HDGFL3: variants seen among roughly 807,000 people sequenced by gnomAD.
HDGFL3 encodes the protein HDGF like 3, also known as hepatoma-derived growth factor-related protein 3.
Under a neutral mutation model 27.6 loss-of-function variants are expected in HDGFL3, and 6 were observed. The observed-to-expected ratio is 0.22, with a 90% CI of 0.12 to 0.43. The LOEUF (loss-of-function observed/expected upper bound fraction) is 0.43, where lower values mean the gene tolerates loss of function less well. Among genes scored for constraint, HDGFL3 ranks in the 20% least tolerant of loss-of-function variants. HDGFL3 has a pLI of 1.00. For synonymous variants in HDGFL3, 88 were observed against 88.9 expected (o/e 0.99, Z 0.05); for missense variants, 207 against 250.1 (o/e 0.83, Z 1.16).
At chr15:83,180,353 C>A (rs1273526847) in intron 1 of HDGFL3, among the ~76,000 whole-genome samples, 8 of 151,818 alleles carry the variant, frequency 5.3e-5, no homozygotes, top group Non-Finnish European at 1.0e-4. Flanking sequence ...TCTGAGCATG[C>A]CAATGAGAAG....
chr15:83,190,737 G>T (rs942324620), intron 1 of HDGFL3, among the ~76,000 whole-genome samples: 3 of 151,994 alleles, frequency 2.0e-5, no homozygotes, highest in African/African-American at 7.3e-5. Flanking sequence ...TTTCATTATA[G>T]AGTTTTTCAG....
chr15:83,123,001 A>C, downstream of HDGFL3: 1 of 1,109,990 alleles, frequency 9.0e-7, no homozygotes, highest in Non-Finnish European at 1.3e-6. Context: ...AAACAGTGCG[A>C]CTGTTTTGAT....
chr15:83,152,683 G>GAAAAAAAAAAAAAAAAAAAAAAA (rs534112117), intron 4 of HDGFL3, among the ~76,000 whole-genome samples: 1 of 78,726 alleles, frequency 1.3e-5, no homozygotes. Context: ...ACTCTGTCTC[G>GAAAAAAAAAAAAAAAAAAAAAAA]AAAAAAAAAA....
chr15:83,160,889 A>G (rs561119569), intron 2 of HDGFL3, among the ~76,000 whole-genome samples: 46 of 152,308 alleles, frequency 3.0e-4, no homozygotes, highest in South Asian at 1.5e-3. Flanking sequence ...AGAAGCACCA[A>G]ACTTTTAAGA....
intron 3 of HDGFL3, chr15:83,122,733 T>C (rs758121168): frequency 4.0e-5 from 65 of 1,609,404 alleles, no homozygotes; most frequent in Non-Finnish European, 1.9e-5. Context: ...TGGTAACTTC[T>C]TTCTCTTTCT....
In HDGFL3 at chr15:83,207,823, C is replaced by A; in HGVS notation, c.-409G>T. On this transcript the variant is annotated 5_prime_UTR_variant, in exon 1 of 6. Coordinates refer to ENST00000299633, the MANE Select transcript of HDGFL3 (RefSeq NM_016073.4). This position sits in a 1 kb window ranked among gnomAD's most constrained non-coding sequence, Gnocchi z 4.8. ...CTCGCGTCTGCTCCGAATTCCTTCT[C>A]GGGCAGCGACCGCAAACACGATCTT... is the stretch of plus-strand genomic sequence containing the variant. 1 of 150,780 alleles carries A rather than the reference C, an allele frequency of 6.6e-6. No homozygotes were observed. The highest frequency in any genetic ancestry group is 2.0e-4 in the South Asian group (1 of 4,974). 9.3% of individuals were successfully genotyped at this position (150,780 alleles called of 1,614,324 possible). A position where few individuals can be genotyped will look rare whatever the true frequency, so the allele number is the denominator to read the frequency against.
intron 1 of HDGFL3, among the ~76,000 whole-genome samples, chr15:83,195,117 A>G (rs746591326): frequency 6.6e-5 from 10 of 152,200 alleles, no homozygotes; most frequent in Admixed American, 2.0e-4. Flanking sequence ...TAAATTGCCA[A>G]TTAAAAATGT....
rs966136387 is a variant in HDGFL3 at position 83,190,570 on chromosome 15, C to A, written c.84+16761G>T. Reference sequence around the variant, plus strand: ...GAGCATCTTTTCATATATTTATAGGCCTTATGTATTTTTTCTATGAAATGG... The same window carrying A: ...GAGCATCTTTTCATATATTTATAGGACTTATGTATTTTTTCTATGAAATGG... On this transcript the variant is annotated intron_variant, in intron 1 of 5. Transcript: ENST00000299633. 2.0e-5 allele frequency among the ~76,000 whole-genome samples: 3 copies of A among 152,032 alleles called. No homozygotes were observed. In the South Asian group the frequency reaches 6.2e-4, roughly 32 times the overall value.
chr15:83,195,568 C>T lies in HDGFL3; in HGVS notation c.84+11763G>A, dbSNP rs549396987. ...TTAATTTTTATAATGCTAAGTCTAT[C>T]ACAGTTACTAACCCAGAAGAGATAC... is the stretch of plus-strand genomic sequence containing the variant. On this transcript the variant is annotated intron_variant, in intron 1 of 5. Coordinates refer to ENST00000299633, the MANE Select transcript of HDGFL3 (RefSeq NM_016073.4). Among the ~76,000 whole-genome samples the T allele has an allele frequency of 1.4e-4, 22 of 152,078 alleles. 1 individual carries two copies. The South Asian group carries it at 4.6e-3, about 32-fold the overall frequency.
At chr15:83,151,738 T>C (rs2036966210) in intron 4 of HDGFL3, among the ~76,000 whole-genome samples, 1 of 152,140 alleles carries the variant, frequency 6.6e-6, no homozygotes, top group South Asian at 2.1e-4. Flanking sequence ...GGTCATCTTG[T>C]CCTCCCCATC....
intron 1 of HDGFL3, among the ~76,000 whole-genome samples, chr15:83,182,576 T>C (rs769697066): frequency 2.6e-5 from 4 of 152,170 alleles, no homozygotes; most frequent in Admixed American, 6.5e-5. Flanking sequence ...ATTCCACTTA[T>C]ATTAAGTTCT....
rs2036347939 is a variant in HDGFL3 at position 83,132,871 on chromosome 15, C to T, written c.*6399G>A. On this transcript the variant is annotated 3_prime_UTR_variant, in exon 6 of 6. Coordinates refer to ENST00000299633, the MANE Select transcript of HDGFL3 (RefSeq NM_016073.4). Reference sequence around the variant, plus strand: ...TTAGTATTAAATTATACTGATTTAACATCTTTTATGTACTTATCCTTTCAT... The same window carrying T: ...TTAGTATTAAATTATACTGATTTAATATCTTTTATGTACTTATCCTTTCAT... 6.6e-6 allele frequency: 1 copy of T among 152,186 alleles called. No homozygotes were observed. Among genetic ancestry groups the T allele is most frequent in the Non-Finnish European group, 1.5e-5 (1 of 68,038 alleles). The allele number at this position is 152,186 out of a possible 1,614,324, so 9.4% of individuals were successfully genotyped here.
rs2151383068 is a variant in HDGFL3 at position 83,131,925 on chromosome 15, C to T, written c.*7345G>A. 6.6e-6 allele frequency: 1 copy of T among 152,198 alleles called. No homozygotes were observed. The highest frequency in any genetic ancestry group is 2.4e-5 in the African/African-American group (1 of 41,544). 9.4% of individuals were successfully genotyped at this position (152,198 alleles called of 1,614,324 possible). ...TATTAGCATTTCCTATCAATTGAAG[C>T]ATTTTCTCTGCTAAAATATCAATGA... On this transcript the variant is annotated 3_prime_UTR_variant, in exon 6 of 6. Coordinates refer to ENST00000299633, the MANE Select transcript of HDGFL3 (RefSeq NM_016073.4).
intron 1 of HDGFL3, chr15:83,184,526 TAATATA>T (rs1256890618): frequency 6.6e-6 from 1 of 152,198 alleles, no homozygotes; most frequent in African/African-American, 2.4e-5. Context: ...TCACTGTTAA[TAATATA>T]ATTACTGTTA....
At chr15:83,145,895 TCC>T (rs1305101302) in intron 5 of HDGFL3, among the ~76,000 whole-genome samples, 4 of 127,804 alleles carry the variant, frequency 3.1e-5, no homozygotes, top group Non-Finnish European at 4.8e-5. Flanking sequence ...CCTTTCTTCT[TCC>T]TTTTTTTTTT....
chr15:83,192,933 C>G (rs1042125790), intron 1 of HDGFL3, among the ~76,000 whole-genome samples: 1 of 152,158 alleles, frequency 6.6e-6, no homozygotes, highest in African/African-American at 2.4e-5. Flanking sequence ...TGAGGTTTGT[C>G]TTTAGTCTTA....
chr15:83,140,516 C>T (rs2036748219), intron 5 of HDGFL3, among the ~76,000 whole-genome samples: 2 of 140,788 alleles, frequency 1.4e-5, no homozygotes, highest in Non-Finnish European at 3.0e-5. Context: ...GAGTCTCGCT[C>T]TGTCACCTAG....
intron 1 of HDGFL3, chr15:83,189,630 A>G (rs2037487386): frequency 1.3e-5 from 2 of 152,058 alleles, no homozygotes; most frequent in African/African-American, 4.8e-5. Context: ...CTTGCTTACT[A>G]ATTCATATCT....
chr15:83,198,545 G>C (rs1021989550), intron 1 of HDGFL3, among the ~76,000 whole-genome samples: 2 of 152,146 alleles, frequency 1.3e-5, no homozygotes, highest in African/African-American at 4.8e-5. Context: ...TGCTGTAACA[G>C]AATAAATGAG....
Sources: gnomAD v4.1 joint callset for allele counts (sites outside exome capture counted in the v4.1 genomes callset) on GRCh38, gnomAD v4.1.1 for gene constraint, Gnocchi (gnomAD v3.1) non-coding constraint, MANE v1.5 for transcripts, NCBI Gene and HGNC (gene_info 2026-07-23, HGNC 2026-07-21) for gene names.